Variants in FGF14 observed in about 807,000 individuals in gnomAD.
FGF14 encodes the protein fibroblast growth factor homologous factor 4.
Under a neutral mutation model 25.5 loss-of-function variants are expected in FGF14, and 5 were observed. The observed-to-expected ratio is 0.20, with a 90% CI of 0.10 to 0.41. The LOEUF (loss-of-function observed/expected upper bound fraction) is 0.41. Ranked by LOEUF, FGF14 falls within the 10% of genes least tolerant of loss-of-function variation. FGF14 has a pLI of 1.00. For synonymous variants in FGF14, 138 were observed against 118.3 expected (o/e 1.17, Z -1.08); for missense variants, 222 against 320.1 (o/e 0.69, Z 2.34).
chr13:101,735,463 A>G (rs2036116800), intron 3 of FGF14, among the ~76,000 whole-genome samples: 1 of 152,180 alleles, frequency 6.6e-6, no homozygotes, highest in Non-Finnish European at 1.5e-5. Context: ...AGCAACAAAT[A>G]TAAGGAGCAA....
At chr13:102,077,514 C>T (rs1199795434) in intron 1 of FGF14, among the ~76,000 whole-genome samples, 1 of 152,094 alleles carries the variant, frequency 6.6e-6, no homozygotes, top group Non-Finnish European at 1.5e-5. Context: ...AGGAGATACA[C>T]ATGGCTAACA....
At chr13:102,060,889 T>C (rs2042656839) in intron 1 of FGF14, among the ~76,000 whole-genome samples, 1 of 152,072 alleles carries the variant, frequency 6.6e-6, no homozygotes, top group African/African-American at 2.4e-5. Context: ...CAAGACCCTA[T>C]TGGGCACGCA....
chr13:102,357,363 G>A (rs1446742105), intron 1 of FGF14, among the ~76,000 whole-genome samples: 1 of 151,994 alleles, frequency 6.6e-6, no homozygotes. Flanking sequence ...AGTGTGCGAG[G>A]GCACTGACAA....
chr13:101,991,927 C>T (rs186090940), intron 1 of FGF14, among the ~76,000 whole-genome samples: 44 of 152,158 alleles, frequency 2.9e-4, no homozygotes, highest in Non-Finnish European at 4.7e-4. Flanking sequence ...GAAATATGTC[C>T]CCAAGGCCAG....
chr13:101,891,884 G>C (rs1240028512), intron 1 of FGF14, among the ~76,000 whole-genome samples: 1 of 152,106 alleles, frequency 6.6e-6, no homozygotes, highest in African/African-American at 2.4e-5. Context: ...CAATCACAGA[G>C]AGAACTTCTG....
At chr13:102,158,683 CT>C (rs1327451079) in intron 1 of FGF14, among the ~76,000 whole-genome samples, 2 of 151,690 alleles carry the variant, frequency 1.3e-5, no homozygotes, top group African/African-American at 2.4e-5. Context: ...AAAAAAAAAT[CT>C]TTGAACTGAT....
chr13:102,162,605 C>A (rs980450906), intron 1 of FGF14, among the ~76,000 whole-genome samples: 1 of 152,116 alleles, frequency 6.6e-6, no homozygotes, highest in South Asian at 2.1e-4. Context: ...ACTAGGCAGA[C>A]GTCCTGATCT....
At chr13:101,846,010 T>G (rs1252925885) in intron 3 of FGF14, among the ~76,000 whole-genome samples, 4 of 151,960 alleles carry the variant, frequency 2.6e-5, no homozygotes, top group Non-Finnish European at 4.4e-5. Flanking sequence ...TCACTCAAAG[T>G]CCAGTGGACA....
At position 101,711,054 on chromosome 13, in the gene FGF14, G is replaced by GT. The variant is rs896757275; in HGVS notation, c.*11776dup. ...GGTGCCTTGCCCTTAGACTCAAATTGTTTTTGTGAATAACCAAGAGAGATG... is the reference window on the plus strand; with the variant it reads ...GGTGCCTTGCCCTTAGACTCAAATTGTTTTTTGTGAATAACCAAGAGAGATG... On this transcript the variant is annotated 3_prime_UTR_variant, in exon 5 of 5. Transcript: ENST00000376143. 6.6e-6 allele frequency: 1 copy of GT among 152,162 alleles called. No homozygotes were observed. Among genetic ancestry groups the GT allele is most frequent in the Non-Finnish European group, 1.5e-5 (1 of 68,036 alleles). 9.4% of individuals were successfully genotyped at this position (152,162 alleles called of 1,614,324 possible).
chr13:102,105,646 T>C (rs1222118434), intron 1 of FGF14, among the ~76,000 whole-genome samples: 1 of 152,242 alleles, frequency 6.6e-6, no homozygotes. Flanking sequence ...ACATGAAAAC[T>C]GTTTCATTTA....
chr13:102,317,070 T>C (rs1030866284), intron 1 of FGF14, among the ~76,000 whole-genome samples: 15 of 152,140 alleles, frequency 9.9e-5, no homozygotes, highest in African/African-American at 3.6e-4. Flanking sequence ...TTCTCAGACA[T>C]GTGATATAGA....
intron 1 of FGF14, among the ~76,000 whole-genome samples, chr13:102,156,494 A>G (rs1379612898): frequency 2.6e-5 from 4 of 152,252 alleles, no homozygotes; most frequent in Non-Finnish European, 5.9e-5. Flanking sequence ...TAAATTAGGT[A>G]TTGATGGGAC....
Position 101,713,667 on chromosome 13 carries a change from A to G in FGF14, c.*9164T>C, listed in dbSNP as rs2034583683. On this transcript the variant is annotated 3_prime_UTR_variant, in exon 5 of 5. Transcript: ENST00000376143. ...TGTCTTGGATACCATTCATCATCTC[A>G]TTTATTTTCTTTTATTTTAAATATA... 6.6e-6 allele frequency: 1 copy of G among 152,074 alleles called. No individual in the cohort carries two copies. Among genetic ancestry groups the G allele is most frequent in the Admixed American group, 6.5e-5 (1 of 15,282 alleles). 9.4% of individuals were successfully genotyped at this position (152,074 alleles called of 1,614,324 possible). A position where few individuals can be genotyped will look rare whatever the true frequency, so the allele number is the denominator to read the frequency against.
chr13:101,830,517 C>T (rs985162723), intron 3 of FGF14, among the ~76,000 whole-genome samples: 3 of 151,944 alleles, frequency 2.0e-5, no homozygotes, highest in Admixed American at 6.6e-5. Context: ...TGCAAATTAA[C>T]GTGAGGTTGA....
chr13:102,301,661 G>C (rs1032500586), intron 1 of FGF14, among the ~76,000 whole-genome samples: 2 of 152,040 alleles, frequency 1.3e-5, no homozygotes, highest in Admixed American at 1.3e-4. Context: ...ACCTCTGCAT[G>C]CATGCAGATG....
chr13:101,970,292 T>C (rs1046743544), intron 1 of FGF14, among the ~76,000 whole-genome samples: 2 of 152,266 alleles, frequency 1.3e-5, no homozygotes, highest in Non-Finnish European at 2.9e-5. Flanking sequence ...ATTCCCAGTA[T>C]GGGTTTAAAA....
chr13:101,796,380 G>A (rs1566912314), intron 3 of FGF14, among the ~76,000 whole-genome samples: 1 of 151,916 alleles, frequency 6.6e-6, no homozygotes, highest in African/African-American at 2.4e-5. Flanking sequence ...ATACTGTTCT[G>A]TGTCTACTCT....
At chr13:102,039,588 T>A (rs897871913) in intron 1 of FGF14, among the ~76,000 whole-genome samples, 2 of 152,182 alleles carry the variant, frequency 1.3e-5, no homozygotes, top group African/African-American at 4.8e-5. Context: ...CATCGCGTGC[T>A]ATTCTAGATG....
At chr13:102,312,614 T>C (rs1800537664) in intron 1 of FGF14, among the ~76,000 whole-genome samples, 1 of 152,190 alleles carries the variant, frequency 6.6e-6, no homozygotes, top group African/African-American at 2.4e-5. Context: ...CTAGTGCTGT[T>C]AGGAATTCCA....
Sources: gnomAD v4.1 joint callset for allele counts (sites outside exome capture counted in the v4.1 genomes callset) on GRCh38, gnomAD v4.1.1 for gene constraint, MANE v1.5 for transcripts, NCBI Gene and HGNC (gene_info 2026-07-23, HGNC 2026-07-21) for gene names.